Variants in SCMH1 observed in about 807,000 individuals in gnomAD.
The protein encoded by SCMH1 is polycomb protein SCMH1.
In SCMH1, 37 loss-of-function variants were observed where a neutral mutation model predicts 70.8. The ratio of observed to expected loss-of-function variants is 0.52; its 90% CI spans 0.40 to 0.69. SCMH1 has a LOEUF of 0.69. Ranked by LOEUF, SCMH1 falls within the 30% of genes least tolerant of loss-of-function variation. SCMH1 has a pLI of 0.00. For missense variants in SCMH1, 607 were observed against 827.3 expected (o/e 0.73, Z 3.27); for synonymous variants, 292 against 307.4 (o/e 0.95, Z 0.52).
intron 5 of SCMH1, 139 bp downstream of exon 5, chr1:41,151,475 G>C: frequency 3.7e-6 from 2 of 536,026 alleles, no homozygotes; most frequent in Non-Finnish European, 6.6e-6. Context: ...TACTTCTTGA[G>C]CTGTGTTCTT....
At chr1:41,142,823 TTTGGACGC>T in intron 6 of SCMH1, 47 bp downstream of exon 6, 5 of 1,464,852 alleles carry the variant, frequency 3.4e-6, no homozygotes, top group Non-Finnish European at 4.8e-6. Context: ...ATGTTCAGTT[TTTGGACGC>T]TAACTATTAA....
rs1391555705 is a variant in SCMH1 at position 41,103,778 on chromosome 1, C to T, written c.745+9505G>A. 3.9e-5 allele frequency among the ~76,000 whole-genome samples: 6 copies of T among 152,102 alleles called. No individual in the cohort carries two copies. In the East Asian group the frequency reaches 1.2e-3, roughly 29 times the overall value. On this transcript the variant is annotated intron_variant, in intron 8 of 14. Coordinates refer to ENST00000337495, the Ensembl canonical transcript of SCMH1. ...GAGGGCAAGAGAGAGAGCGAATGGGCAGAGTCAAGGGGCAGCTTAAGGATT... is the reference window on the plus strand; with the variant it reads ...GAGGGCAAGAGAGAGAGCGAATGGGTAGAGTCAAGGGGCAGCTTAAGGATT...
At chr1:41,210,799 C>A (rs1375206519) in intron 1 of SCMH1, among the ~76,000 whole-genome samples, 1 of 151,556 alleles carries the variant, frequency 6.6e-6, no homozygotes, top group Non-Finnish European at 1.5e-5. Flanking sequence ...TAGGCATGGG[C>A]AAAGACTTCA....
intron 13 of SCMH1, 35 bp downstream of exon 13, chr1:41,037,327 G>C (rs373441463): frequency 6.3e-7 from 1 of 1,597,784 alleles, no homozygotes; most frequent in South Asian, 1.1e-5. Flanking sequence ...AAAGAGTGAG[G>C]GAGGGAAGGA....
intron 8 of SCMH1, among the ~76,000 whole-genome samples, chr1:41,110,795 G>A (rs1669080180): frequency 6.6e-6 from 1 of 151,888 alleles, no homozygotes; most frequent in Admixed American, 6.6e-5. Context: ...TATTCTTTTG[G>A]GTATATATCT....
At chr1:41,074,408 CTT>C (rs1657540453) in intron 9 of SCMH1, among the ~76,000 whole-genome samples, 1 of 152,074 alleles carries the variant, frequency 6.6e-6, no homozygotes, top group Admixed American at 6.5e-5. Context: ...CTATTTATCT[CTT>C]AGGGTTTTGT....
chr1:41,051,485 G>A (rs1035394613), intron 10 of SCMH1, among the ~76,000 whole-genome samples: 4 of 152,128 alleles, frequency 2.6e-5, no homozygotes, highest in African/African-American at 4.8e-5. Flanking sequence ...TTGTTATCAC[G>A]GGATGACAGC....
chr1:41,066,001 G>A (rs1048929638), intron 10 of SCMH1, among the ~76,000 whole-genome samples: 1 of 152,150 alleles, frequency 6.6e-6, no homozygotes, highest in Non-Finnish European at 1.5e-5. Flanking sequence ...GGCAGGTGCA[G>A]CCTACGCCTC....
chr1:41,124,950 T>C (rs910180543), intron 6 of SCMH1, among the ~76,000 whole-genome samples: 3 of 152,172 alleles, frequency 2.0e-5, no homozygotes, highest in African/African-American at 7.2e-5. Flanking sequence ...GGAGTATTTC[T>C]CATTGCAATA....
At chr1:41,051,572 C>T (rs1442175816) in intron 10 of SCMH1, among the ~76,000 whole-genome samples, 1 of 151,918 alleles carries the variant, frequency 6.6e-6, no homozygotes, top group Non-Finnish European at 1.5e-5. Context: ...ATTGATGATC[C>T]TGATCTTGTG....
intron 1 of SCMH1, among the ~76,000 whole-genome samples, chr1:41,234,177 G>A (rs1166093272): frequency 1.3e-5 from 2 of 152,184 alleles, no homozygotes; most frequent in Non-Finnish European, 2.9e-5. Flanking sequence ...GCTCACGCCT[G>A]TAATTTCAGC....
chr1:41,061,756 CCAA>C (rs933926993), intron 10 of SCMH1, among the ~76,000 whole-genome samples: 6 of 152,216 alleles, frequency 3.9e-5, no homozygotes, highest in African/African-American at 1.4e-4. Flanking sequence ...ACGACTTCAT[CCAA>C]CAACAGCAGG....
intron 1 of SCMH1, among the ~76,000 whole-genome samples, chr1:41,239,980 T>C (rs1235549247): frequency 1.3e-5 from 2 of 152,136 alleles, no homozygotes; most frequent in East Asian, 1.9e-4. Context: ...TTCTTTCTCA[T>C]AGTTAAGTAT....
At chr1:41,069,383 C>T (rs1311223818) in intron 10 of SCMH1, among the ~76,000 whole-genome samples, 3 of 152,036 alleles carry the variant, frequency 2.0e-5, no homozygotes, top group South Asian at 4.2e-4. Context: ...TAAATAAAAA[C>T]GTCAGTTAAA....
chr1:41,068,044 G>A (rs1382510799), intron 10 of SCMH1, among the ~76,000 whole-genome samples: 2 of 152,158 alleles, frequency 1.3e-5, no homozygotes, highest in African/African-American at 4.8e-5. Flanking sequence ...CTCCAACCAC[G>A]GGGAAGTAGA....
intron 8 of SCMH1, among the ~76,000 whole-genome samples, chr1:41,105,229 G>A (rs1335329382): frequency 2.0e-5 from 3 of 151,912 alleles, no homozygotes; most frequent in Non-Finnish European, 4.4e-5. Flanking sequence ...CTCCCAAAAT[G>A]CTGGGATTAC....
intron 4 of SCMH1, 37 bp from the exon 5 acceptor site, chr1:41,151,721 T>C: frequency 6.7e-7 from 1 of 1,491,766 alleles, no homozygotes; most frequent in Non-Finnish European, 9.3e-7. Flanking sequence ...ACAGTCAACT[T>C]CCTAAAAAAA....
intron 13 of SCMH1, 149 bp downstream of exon 14, chr1:41,033,834 C>T: frequency 9.4e-7 from 1 of 1,060,596 alleles, no homozygotes; most frequent in Non-Finnish European, 1.4e-6. Context: ...GGCAGACAGA[C>T]TCATGGTGGG....
intron 8 of SCMH1, among the ~76,000 whole-genome samples, chr1:41,086,794 C>T (rs1661803981): frequency 6.6e-6 from 1 of 151,542 alleles, no homozygotes; most frequent in Non-Finnish European, 1.5e-5. Context: ...ACCTGTAGTA[C>T]CACCTGCTTG....
Sources: gnomAD v4.1 joint callset for allele counts (sites outside exome capture counted in the v4.1 genomes callset) on GRCh38, gnomAD v4.1.1 for gene constraint, MANE v1.5 for transcripts, NCBI Gene and HGNC (gene_info 2026-07-23, HGNC 2026-07-21) for gene names.